THRAP3: variants seen among roughly 807,000 people sequenced by gnomAD.
THRAP3 encodes the protein thyroid hormone receptor associated protein 3.
A neutral mutation model predicts 101.0 loss-of-function variants in THRAP3; 16 were observed. The ratio of observed to expected loss-of-function variants is 0.16; its 90% confidence interval spans 0.11 to 0.24. The LOEUF (loss-of-function observed/expected upper bound fraction) is 0.24. Among genes scored for constraint, THRAP3 ranks in the 10% least tolerant of loss-of-function variants. The pLI is 1.00. For synonymous variants in THRAP3, 407 were observed against 422.6 expected (o/e 0.96, Z 0.45); for missense variants, 989 against 1,202.7 (o/e 0.82, Z 2.63).
At chr1:36,264,414 T>C (rs766276442) in intron 2 of THRAP3, among the ~76,000 whole-genome samples, 1 of 152,230 alleles carries the variant, frequency 6.6e-6, no homozygotes, top group Non-Finnish European at 1.5e-5. Context: ...TGTCCAGGAA[T>C]GGGTGGCAGA....
chr1:36,239,206 G>GT (rs575249250), intron 1 of THRAP3, among the ~76,000 whole-genome samples: 135 of 149,154 alleles, frequency 9.1e-4, no homozygotes, highest in Non-Finnish European at 1.3e-3. Context: ...GCCCGGCCGT[G>GT]TTTTTTTATT....
chr1:36,278,298 C>T (rs1645687444), intron 2 of THRAP3, among the ~76,000 whole-genome samples: 1 of 151,796 alleles, frequency 6.6e-6, no homozygotes, highest in Non-Finnish European at 1.5e-5. Context: ...ACTGCTGACC[C>T]CAGGTGATGT....
intron 2 of THRAP3, among the ~76,000 whole-genome samples, chr1:36,278,387 A>T (rs1291380301): frequency 2.6e-5 from 4 of 152,116 alleles, no homozygotes; most frequent in South Asian, 2.1e-4. Context: ...TTGACCGTAA[A>T]TGTAAGGATA....
At chr1:36,231,807 G>GATAT (rs956735005) in intron 1 of THRAP3, among the ~76,000 whole-genome samples, 1 of 152,142 alleles carries the variant, frequency 6.6e-6, no homozygotes, top group Non-Finnish European at 1.5e-5. Flanking sequence ...CTATGTCCTA[G>GATAT]AGTCTTGACT....
intron 2 of THRAP3, among the ~76,000 whole-genome samples, chr1:36,269,643 T>A (rs1645563027): frequency 6.6e-6 from 1 of 152,184 alleles, no homozygotes; most frequent in Non-Finnish European, 1.5e-5. Context: ...GAGCAATCAT[T>A]GCTCACTGCA....
the THRAP3 span, among the ~76,000 whole-genome samples, chr1:36,215,286 C>T: frequency 6.6e-5 from 10 of 152,158 alleles, no homozygotes; most frequent in Admixed American, 5.9e-4. Context: ...AAAATCCAAT[C>T]TCCTCAATCT....
intron 1 of THRAP3, among the ~76,000 whole-genome samples, chr1:36,228,556 T>C (rs1644989129): frequency 6.6e-6 from 1 of 152,158 alleles, no homozygotes; most frequent in African/African-American, 2.4e-5. Context: ...GGTTTTGCCA[T>C]GTTGGCCAGG....
intron 2 of THRAP3, among the ~76,000 whole-genome samples, chr1:36,281,267 A>G (rs1039234856): frequency 6.6e-6 from 1 of 152,232 alleles, no homozygotes; most frequent in Non-Finnish European, 1.5e-5. Context: ...GATGTGCCAC[A>G]TACTCTGTAA....
chr1:36,224,692 CCTTT>C (rs1484337563), intron 1 of THRAP3, among the ~76,000 whole-genome samples, 187 bp downstream of exon 1: 1 of 152,192 alleles, frequency 6.6e-6, no homozygotes, highest in Non-Finnish European at 1.5e-5. Context: ...CCTTCCCCGC[CCTTT>C]AGGTCTTCCC....
rs534336426 is a variant in THRAP3, at chr1:36,299,825, G to A, written c.2304-1061G>A. On this transcript the variant is annotated intron_variant, in intron 9 of 11. Coordinates refer to ENST00000354618, the MANE Select transcript of THRAP3 (RefSeq NM_005119.4). Reference sequence around the variant, plus strand: ...CGCCCGGCCAGAGACTCTTATTTTTGAAAACCTCTTGAAATAGCACGGATG... The same window carrying A: ...CGCCCGGCCAGAGACTCTTATTTTTAAAAACCTCTTGAAATAGCACGGATG... Among the ~76,000 whole-genome samples the A allele has an allele frequency of 2.0e-5, 3 of 152,216 alleles. No individual in the cohort carries two copies. In the South Asian group the frequency reaches 6.2e-4, roughly 32 times the overall value.
At chr1:36,263,627 C>T (rs941317538) in intron 2 of THRAP3, among the ~76,000 whole-genome samples, 7 of 152,148 alleles carry the variant, frequency 4.6e-5, no homozygotes, top group Non-Finnish European at 7.4e-5. Context: ...ATTACTGTTA[C>T]TGTCCCTGAG....
rs1358845197 is a variant in THRAP3 at position 36,267,793 on chromosome 1, C to T, written c.-32+8309C>T. ...ACCCACTCACAGAATACGGGGCATCCGGGGGCTTTCGGAGACTGAGTTCTG... is the reference window on the plus strand; with the variant it reads ...ACCCACTCACAGAATACGGGGCATCTGGGGGCTTTCGGAGACTGAGTTCTG... On this transcript the variant is annotated intron_variant, in intron 2 of 11. Coordinates refer to ENST00000354618, the MANE Select transcript of THRAP3 (RefSeq NM_005119.4). Among the ~76,000 whole-genome samples, 2 of 48,136 alleles carry T rather than the reference C, an allele frequency of 4.2e-5. 1 individual carries two copies. The highest frequency in any genetic ancestry group is 1.3e-4 in the Non-Finnish European group (2 of 14,972). The allele number at this position is 48,136 out of a possible 152,430, so 31.6% of individuals were successfully genotyped here. A position where few individuals can be genotyped will look rare whatever the true frequency, so the allele number is the denominator to read the frequency against.
the THRAP3 span, among the ~76,000 whole-genome samples, chr1:36,215,141 A>G: frequency 1.1e-4 from 17 of 149,952 alleles, no homozygotes; most frequent in East Asian, 2.2e-3. Context: ...GGAGAATGGC[A>G]TGAACCCGAG....
Position 36,289,777 on chromosome 1 carries a change from C to T in THRAP3, c.1745+13C>T. On this transcript the variant is annotated intron_variant, in intron 5 of 11. Coordinates refer to ENST00000354618, the MANE Select transcript of THRAP3 (RefSeq NM_005119.4). ...AGGACCTCGCACGGTGAGATATGCTCCTTCTTGATCCTCAGTGCTTTAGTG... is the reference window on the plus strand; with the variant it reads ...AGGACCTCGCACGGTGAGATATGCTTCTTCTTGATCCTCAGTGCTTTAGTG... 1 of 1,579,170 alleles carries T rather than the reference C, an allele frequency of 6.3e-7. No homozygotes were observed. The highest frequency in any genetic ancestry group is 8.6e-7 in the Non-Finnish European group (1 of 1,164,226).
In THRAP3 at chr1:36,286,076, T is replaced by G. The variant is rs1166621471; in HGVS notation, c.138-292T>G. On this transcript the variant is annotated intron_variant, in intron 3 of 11. Coordinates refer to ENST00000354618, the MANE Select transcript of THRAP3 (RefSeq NM_005119.4). This position sits in a 1 kb window ranked among gnomAD's most constrained non-coding sequence, Gnocchi z 5.5. ...AATGGTCTTTGTGTGGTTTACTACC[T>G]TAAGAAAATGTTGATAGTTTTTCAG... Among the ~76,000 whole-genome samples, 1 of 152,230 alleles carries G rather than the reference T, an allele frequency of 6.6e-6. No individual in the cohort carries two copies. Among genetic ancestry groups the G allele is most frequent in the Non-Finnish European group, 1.5e-5 (1 of 68,032 alleles).
intron 1 of THRAP3, among the ~76,000 whole-genome samples, chr1:36,233,257 C>G (rs1645049169): frequency 6.6e-6 from 1 of 151,374 alleles, no homozygotes; most frequent in Non-Finnish European, 1.5e-5. Flanking sequence ...CCTGTAATCC[C>G]AGCACTTTGG....
rs925857628 is a variant in THRAP3 at position 36,286,712 on chromosome 1, G to A, written c.482G>A (p.Arg161His). ...SDRSRRSSSS[R>H]SSSNHSRVES... is the part of the protein sequence containing the mutation. The stretch of plus-strand genomic sequence containing the variant: ...CGGTCAAGGCGCTCCTCATCCTCCC[G>A]TTCTTCCTCCAACCATAGCCGAGTT... The change falls in exon 4 of 12, where the codon CGT becomes CAT. Residue 161 changes from arginine (R) to histidine (H), a missense_variant. By Grantham distance (29) the Arg-to-His change is conservative. Coordinates refer to ENST00000354618, the MANE Select transcript of THRAP3 (RefSeq NM_005119.4). This position sits in a 1 kb window ranked among gnomAD's most constrained non-coding sequence, Gnocchi z 5.5. 2 of 1,614,014 alleles carry A rather than the reference G, an allele frequency of 1.2e-6. No individual in the cohort carries two copies. Among genetic ancestry groups the A allele is most frequent in the Non-Finnish European group, 1.7e-6 (2 of 1,180,030 alleles).
chr1:36,282,086 A>AT (rs1645738658), intron 2 of THRAP3, among the ~76,000 whole-genome samples: 3 of 148,650 alleles, frequency 2.0e-5, no homozygotes, highest in South Asian at 2.2e-4. Flanking sequence ...AGAAAAAAAA[A>AT]ATTTTTTTTT....
At chr1:36,212,418 C>CTTTTTTTTTTTTTTT in the THRAP3 span, among the ~76,000 whole-genome samples, 2 of 122,048 alleles carry the variant, frequency 1.6e-5, no homozygotes, top group African/African-American at 6.7e-5. Flanking sequence ...TTCTTTCTTT[C>CTTTTTTTTTTTTTTT]TTTTTTTTTT....
Sources: gnomAD v4.1 joint callset for allele counts (sites outside exome capture counted in the v4.1 genomes callset) on GRCh38, gnomAD v4.1.1 for gene constraint, Gnocchi (gnomAD v3.1) non-coding constraint, MANE v1.5 for transcripts, NCBI Gene and HGNC (gene_info 2026-07-23, HGNC 2026-07-21) for gene names.